The following SMARCA2 variants were observed in gnomAD, a reference collection of about 807,000 sequenced individuals.
SMARCA2 encodes the protein SWI/SNF-related matrix-associated actin-dependent regulator of chromatin subfamily A member 2.
A neutral mutation model predicts 199.8 loss-of-function variants in SMARCA2; 61 were observed. That is an observed-to-expected ratio of 0.31 (90% CI 0.25 to 0.38). The LOEUF is 0.38. Among genes scored for constraint, SMARCA2 ranks in the 10% least tolerant of loss-of-function variants. SMARCA2 has a pLI of 1.00. For missense variants in SMARCA2, 1,344 were observed against 2,012.2 expected (o/e 0.67, Z 6.35); for synonymous variants, 935 against 732.0 (o/e 1.28, Z -4.48).
At chr9:2,136,758 C>G (rs1276648268) in intron 27 of SMARCA2, among the ~76,000 whole-genome samples, 2 of 152,096 alleles carry the variant, frequency 1.3e-5, no homozygotes, top group African/African-American at 4.8e-5. Context: ...AAGAGCAGGT[C>G]TCCAAGTAGA....
intron 28 of SMARCA2, among the ~76,000 whole-genome samples, chr9:2,167,064 A>G (rs535600330): frequency 6.6e-6 from 1 of 152,288 alleles, no homozygotes; most frequent in African/African-American, 2.4e-5. Context: ...AACAGTCTCA[A>G]ATTTTCTTTC....
chr9:2,049,122 C>T (rs372226277), intron 5 of SMARCA2, among the ~76,000 whole-genome samples: 4 of 152,038 alleles, frequency 2.6e-5, no homozygotes, highest in African/African-American at 9.7e-5. Flanking sequence ...ACTATGTGAA[C>T]TACCCTTAGA....
rs149939163 is a variant in SMARCA2, at chr9:2,137,088, A to G, written c.3981+13151A>G. ...TGCTCGTGTGGTTTCTACCAACCCTACTTGGCCCAAAATGAAAAAAATGTA... is the reference window on the plus strand; with the variant it reads ...TGCTCGTGTGGTTTCTACCAACCCTGCTTGGCCCAAAATGAAAAAAATGTA... On this transcript the variant is annotated intron_variant, in intron 27 of 33. Coordinates refer to ENST00000349721, the MANE Select transcript of SMARCA2 (RefSeq NM_003070.5). 1.8e-4 allele frequency among the ~76,000 whole-genome samples: 28 copies of G among 152,170 alleles called. No individual in the cohort carries two copies. In the East Asian group the frequency reaches 5.2e-3, roughly 28 times the overall value.
intron 7 of SMARCA2, 52 bp from the exon 8 acceptor site, chr9:2,058,239 C>T: frequency 1.4e-6 from 2 of 1,480,388 alleles, no homozygotes; most frequent in Non-Finnish European, 1.9e-6. Context: ...GCTCAGAGGA[C>T]ACTGGTCATT....
At chr9:2,145,752 C>T (rs1422297028) in intron 27 of SMARCA2, among the ~76,000 whole-genome samples, 1 of 152,178 alleles carries the variant, frequency 6.6e-6, no homozygotes, top group Non-Finnish European at 1.5e-5. Flanking sequence ...ACTGTTTTTA[C>T]AGTATCTAGT....
chr9:2,189,598 T>C (rs1339658480), intron 32 of SMARCA2, among the ~76,000 whole-genome samples: 2 of 152,020 alleles, frequency 1.3e-5, no homozygotes, highest in Non-Finnish European at 2.9e-5. Context: ...CATCTTTCCG[T>C]TTTCATTAGT....
intron 3 of SMARCA2, among the ~76,000 whole-genome samples, chr9:2,033,560 T>C (rs990644705): frequency 6.6e-6 from 1 of 152,270 alleles, no homozygotes; most frequent in African/African-American, 2.4e-5. Context: ...ATCCATTGTC[T>C]ATAAGGCAGC....
At chr9:2,041,251 G>T (rs1367958990) in intron 4 of SMARCA2, 2 of 398,244 alleles carry the variant, frequency 5.0e-6, no homozygotes, top group Non-Finnish European at 8.9e-6. Flanking sequence ...CTTAAGAATG[G>T]ATGTCTTAGT....
At chr9:2,081,695 C>A in intron 14 of SMARCA2, 137 bp from the exon 15 acceptor site, 1 of 662,108 alleles carries the variant, frequency 1.5e-6, no homozygotes, top group Non-Finnish European at 2.6e-6. Context: ...TGCATTGGTG[C>A]TTCCCCCATT....
intron 1 of SMARCA2, among the ~76,000 whole-genome samples, chr9:2,018,597 TC>T (rs1818467379): frequency 6.6e-6 from 1 of 152,244 alleles, no homozygotes; most frequent in African/African-American, 2.4e-5. Context: ...ATTTCAAACT[TC>T]CATTTCAAAG....
chr9:2,075,215 A>G (rs894396132), intron 12 of SMARCA2: 2 of 152,660 alleles, frequency 1.3e-5, no homozygotes, highest in African/African-American at 4.8e-5. Flanking sequence ...AGTTGTGCCA[A>G]GGCCTTAGCT....
chr9:2,071,210 GCACA>G (rs558717268), intron 10 of SMARCA2, among the ~76,000 whole-genome samples: 76 of 152,268 alleles, frequency 5.0e-4, no homozygotes, highest in African/African-American at 1.8e-3. Flanking sequence ...GTATCACTCT[GCACA>G]CAGTTGTATT....
chr9:2,048,304 C>T (rs1819969305), intron 5 of SMARCA2, among the ~76,000 whole-genome samples: 1 of 152,146 alleles, frequency 6.6e-6, no homozygotes, highest in Admixed American at 6.5e-5. Flanking sequence ...TGGAGTCTGC[C>T]AGAAAGCATA....
intron 19 of SMARCA2, among the ~76,000 whole-genome samples, chr9:2,089,928 A>G (rs996289557): frequency 2.6e-5 from 4 of 152,206 alleles, no homozygotes; most frequent in African/African-American, 9.6e-5. Flanking sequence ...GGTATAAAAT[A>G]AAAGGCAATT....
At chr9:2,065,583 T>C (rs942859489) in intron 9 of SMARCA2, among the ~76,000 whole-genome samples, 2 of 152,202 alleles carry the variant, frequency 1.3e-5, no homozygotes, top group Non-Finnish European at 2.9e-5. Flanking sequence ...CCTGTTTAGA[T>C]ACCAGAATGT....
rs1427225868 is a variant in SMARCA2, at chr9:2,192,736, G to A, written c.4770G>A (p.Glu1590=). 6.2e-7 allele frequency: 1 copy of A among 1,608,208 alleles called. No individual in the cohort carries two copies. Among genetic ancestry groups the A allele is most frequent in the Admixed American group, 1.7e-5 (1 of 60,016 alleles). ...EQSEGSGTDD[E] ...CAGAAGGAAGTGGGACGGATGATGA[G>A]TGATCAGTATGGACCTTTTTCCTTG... is the stretch of plus-strand genomic sequence containing the variant. Residue 1590 remains glutamate, a synonymous_variant, in exon 34 of 34, where the codon GAG becomes GAA. Coordinates refer to ENST00000349721, the MANE Select transcript of SMARCA2 (RefSeq NM_003070.5).
chr9:2,087,412 A>C (rs1367236941), intron 18 of SMARCA2: 4 of 213,892 alleles, frequency 1.9e-5, no homozygotes, highest in Non-Finnish European at 3.7e-5. Context: ...TAACCAGACC[A>C]AATTAACCAA....
intron 27 of SMARCA2, among the ~76,000 whole-genome samples, chr9:2,124,704 T>C (rs1449394452): frequency 6.6e-6 from 1 of 152,234 alleles, no homozygotes; most frequent in Admixed American, 6.5e-5. Flanking sequence ...TGGTGATTTC[T>C]CATTTTGATT....
At chr9:2,168,723 A>AT (rs1311432132) in intron 28 of SMARCA2, among the ~76,000 whole-genome samples, 1 of 152,080 alleles carries the variant, frequency 6.6e-6, no homozygotes, top group Non-Finnish European at 1.5e-5. Flanking sequence ...TGTAGTTATT[A>AT]TTTTTTGTTG....
Sources: gnomAD v4.1 joint callset for allele counts (sites outside exome capture counted in the v4.1 genomes callset) on GRCh38, gnomAD v4.1.1 for gene constraint, MANE v1.5 for transcripts, NCBI Gene and HGNC (gene_info 2026-07-23, HGNC 2026-07-21) for gene names.